Variants in ZFHX3 observed in about 807,000 individuals in gnomAD.
ZFHX3 encodes the protein zinc finger homeobox protein 3.
A neutral mutation model predicts 279.1 loss-of-function variants in ZFHX3; 42 were observed. The ratio of observed to expected loss-of-function variants is 0.15; its 90% CI spans 0.12 to 0.19. The LOEUF (loss-of-function observed/expected upper bound fraction) is 0.19. Among genes scored for constraint, ZFHX3 ranks in the 10% least tolerant of loss-of-function variants. ZFHX3 has a pLI of 1.00. For missense variants in ZFHX3, 4,981 were observed against 4,754.0 expected (o/e 1.05, Z -1.40); for synonymous variants, 2,293 against 1,957.8 (o/e 1.17, Z -4.52).
intron 2 of ZFHX3, among the ~76,000 whole-genome samples, chr16:73,574,347 C>T (rs1165695417): frequency 6.6e-6 from 1 of 151,854 alleles, no homozygotes; most frequent in Admixed American, 6.6e-5. Flanking sequence ...TTTCTTGGGC[C>T]CCCCCCAGCA....
chr16:73,565,977 G>T (rs2020445110), intron 2 of ZFHX3, among the ~76,000 whole-genome samples: 1 of 152,206 alleles, frequency 6.6e-6, no homozygotes, highest in Non-Finnish European at 1.5e-5. Flanking sequence ...AAGGAGAAAA[G>T]ATGAGTTCTG....
At chr16:73,147,900 C>G (rs956901762) in intron 5 of ZFHX3, among the ~76,000 whole-genome samples, 1 of 151,956 alleles carries the variant, frequency 6.6e-6, no homozygotes, top group Non-Finnish European at 1.5e-5. Context: ...ACCCATAGCC[C>G]GGGCTTTTCC....
chr16:72,837,374 C>T (rs868153534), intron 4 of ZFHX3, among the ~76,000 whole-genome samples: 7 of 151,804 alleles, frequency 4.6e-5, no homozygotes, highest in South Asian at 4.1e-4. Context: ...AAGATGACAA[C>T]GACACAAACA....
At chr16:73,250,115 AC>A (rs1387480349) in intron 5 of ZFHX3, among the ~76,000 whole-genome samples, 4 of 152,204 alleles carry the variant, frequency 2.6e-5, no homozygotes, top group African/African-American at 9.6e-5. Flanking sequence ...AGGCAGGTGT[AC>A]TTTCCCCACA....
At position 73,866,702 on chromosome 16, in the gene ZFHX3, TC is replaced by T. The variant is rs547701022; in HGVS notation, c.-1608+24948del. 3.3e-5 allele frequency among the ~76,000 whole-genome samples: 5 copies of T among 152,310 alleles called. No homozygotes were observed. In the South Asian group the frequency reaches 1.0e-3, roughly 32 times the overall value. On this transcript the variant is annotated intron_variant, in intron 1 of 17. Coordinates refer to the ZFHX3 transcript ENST00000641206. Reference sequence around the variant, plus strand: ...TTAGTAATTATGTTCCAGTTGGGCTTCCCTCAGAAACCGGATTTGATTCAAC... The same window carrying T: ...TTAGTAATTATGTTCCAGTTGGGCTTCCTCAGAAACCGGATTTGATTCAAC...
chr16:73,177,579 A>G (rs916505830), intron 5 of ZFHX3, among the ~76,000 whole-genome samples: 2 of 152,234 alleles, frequency 1.3e-5, no homozygotes, highest in Admixed American at 1.3e-4. Context: ...CCCAAAATAC[A>G]CAGAACACTG....
At chr16:73,045,877 T>C (rs1029905922) in intron 1 of ZFHX3, among the ~76,000 whole-genome samples, 28 of 151,632 alleles carry the variant, frequency 1.8e-4, no homozygotes, top group Non-Finnish European at 1.2e-4. Flanking sequence ...ACTTAATTCC[T>C]TGTGATTCTG....
intron 4 of ZFHX3, among the ~76,000 whole-genome samples, chr16:72,871,042 T>C (rs2038148729): frequency 6.6e-6 from 1 of 152,178 alleles, no homozygotes; most frequent in African/African-American, 2.4e-5. Context: ...GAGAGTAAGA[T>C]TATGAATGCG....
chr16:73,287,657 T>G (rs1447109657), intron 4 of ZFHX3, among the ~76,000 whole-genome samples: 8 of 144,750 alleles, frequency 5.5e-5, no homozygotes, highest in Non-Finnish European at 1.2e-4. Flanking sequence ...TGTGGGTTGG[T>G]GAGTGGCTAT....
chr16:73,586,618 C>T (rs13333881), intron 2 of ZFHX3, among the ~76,000 whole-genome samples: 8,183 of 152,024 alleles, frequency 0.054, 731 homozygotes, highest in African/African-American at 0.19. Flanking sequence ...GACACAGCCT[C>T]ATATATATAA....
chr16:73,483,659 GGA>G (rs1381274369), intron 2 of ZFHX3, among the ~76,000 whole-genome samples: 1 of 152,106 alleles, frequency 6.6e-6, no homozygotes, highest in Non-Finnish European at 1.5e-5. Flanking sequence ...CATGATAGTG[GGA>G]GAGGGGCCAA....
chr16:73,307,750 A>C (rs1171008200), intron 4 of ZFHX3, among the ~76,000 whole-genome samples: 1 of 152,150 alleles, frequency 6.6e-6, no homozygotes, highest in African/African-American at 2.4e-5. Flanking sequence ...TTTTCCTTAA[A>C]ATTTTATACC....
At chr16:73,487,261 G>A (rs2018992218) in intron 2 of ZFHX3, among the ~76,000 whole-genome samples, 1 of 152,208 alleles carries the variant, frequency 6.6e-6, no homozygotes, top group African/African-American at 2.4e-5. Context: ...AATAACAAAT[G>A]AAAGAGTTTA....
chr16:73,777,986 T>C (rs1401053740), intron 1 of ZFHX3, among the ~76,000 whole-genome samples: 2 of 152,056 alleles, frequency 1.3e-5, no homozygotes, highest in Non-Finnish European at 2.9e-5. Flanking sequence ...GCCATGTTCA[T>C]GCCCTTGCAT....
chr16:73,490,540 G>T (rs140343810), intron 2 of ZFHX3, among the ~76,000 whole-genome samples: 1 of 152,076 alleles, frequency 6.6e-6, no homozygotes, highest in Non-Finnish European at 1.5e-5. Context: ...ATCCCTTTGC[G>T]TTAAAACAAT....
At position 72,798,145 on chromosome 16, in the gene ZFHX3, C is replaced by G. The variant is rs367543587; in HGVS notation, c.4537G>C (p.Val1513Leu). 1.9e-6 allele frequency: 3 copies of G among 1,614,240 alleles called. No individual in the cohort carries two copies. Among genetic ancestry groups the G allele is most frequent in the Non-Finnish European group, 1.7e-6 (2 of 1,180,044 alleles). The part of the protein sequence containing the change: ...QSPTGSDSGS[V>L]QEDSGSEPKR... ...GGCTCTGAGCCCGAGTCTTCTTGTA[C>G]TGACCCAGAGTCACTGCCCGTTGGG... The change falls in exon 9 of 10, where the codon GTA becomes CTA. Residue 1513 changes from valine to leucine, a missense_variant. Around this residue, in one of 7 missense-constraint regions of ZFHX3, gnomAD observed 1,751 missense variants for 1,770.0 expected, o/e 0.99. Coordinates refer to ENST00000268489, the MANE Select transcript of ZFHX3 (RefSeq NM_006885.4).
intron 2 of ZFHX3, among the ~76,000 whole-genome samples, chr16:73,490,610 G>A (rs370039573): frequency 1.3e-5 from 2 of 152,162 alleles, no homozygotes; most frequent in East Asian, 1.9e-4. Flanking sequence ...GGTTGAGGCA[G>A]GCAGATAGCT....
chr16:73,717,140 G>A (rs1215411524), intron 1 of ZFHX3, among the ~76,000 whole-genome samples: 1 of 152,138 alleles, frequency 6.6e-6, no homozygotes, highest in African/African-American at 2.4e-5. Flanking sequence ...TATTCTGAAC[G>A]CAGTTATACC....
chr16:73,510,086 G>T (rs886476706), intron 2 of ZFHX3, among the ~76,000 whole-genome samples: 2 of 152,108 alleles, frequency 1.3e-5, no homozygotes, highest in African/African-American at 4.8e-5. Context: ...CTATGAGCTT[G>T]GTGTGGTTGG....
Sources: allele counts gnomAD v4.1 joint callset (sites outside exome capture counted in the v4.1 genomes callset), GRCh38; gene constraint gnomAD v4.1.1; regional missense constraint gnomAD v4.1.1; transcripts MANE v1.5; gene names NCBI Gene and HGNC (gene_info 2026-07-23, HGNC 2026-07-21).